Variants in CCDC102B observed in about 807,000 individuals in gnomAD.
CCDC102B encodes the protein coiled-coil domain containing 102B, also known as coiled-coil domain-containing protein 102B.
CCDC102B carries 75 observed loss-of-function variants against 57.4 expected under a neutral mutation model. That is an observed-to-expected ratio of 1.31 (90% CI 1.08 to 1.58). The LOEUF is 1.58. Among genes scored for constraint, CCDC102B ranks in the 40% most tolerant of loss-of-function variants. The pLI is 0.00. For missense variants in CCDC102B, 636 were observed against 582.6 expected, an observed-to-expected ratio of 1.09 and a Z score of -0.94; for synonymous variants, 206 against 201.9, an observed-to-expected ratio of 1.02 and a Z score of -0.17.
intron 6 of CCDC102B, among the ~76,000 whole-genome samples, chr18:68,944,664 GCAGGACACAAA>G (rs1181297361): frequency 1.3e-5 from 2 of 151,594 alleles, no homozygotes; most frequent in Non-Finnish European, 2.9e-5. Context: ...ATAGATTTTG[GCAGGACACAAA>G]CATTCAAGTC....
chr18:68,777,559 A>G lies in CCDC102B; in HGVS notation c.-66-45807A>G, dbSNP rs544256539. Among the ~76,000 whole-genome samples, 7 of 152,236 alleles carry G rather than the reference A, an allele frequency of 4.6e-5. No individual in the cohort carries two copies. In the East Asian group the frequency reaches 1.4e-3, roughly 29 times the overall value. ...TCAACAAAATGTTATTTCTCCTTTTATTCTAGCTACTTAAAATCTTTTTCT... is the reference window on the plus strand; with the variant it reads ...TCAACAAAATGTTATTTCTCCTTTTGTTCTAGCTACTTAAAATCTTTTTCT... On this transcript the variant is annotated intron_variant, in intron 2 of 3. Coordinates refer to the CCDC102B transcript ENST00000578970.
At chr18:68,858,402 G>T (rs960746816) in intron 4 of CCDC102B, among the ~76,000 whole-genome samples, 1 of 152,094 alleles carries the variant, frequency 6.6e-6, no homozygotes, top group Non-Finnish European at 1.5e-5. Context: ...CTTGGAGTTT[G>T]TTGAAATTCT....
chr18:68,849,632 G>C (rs2038033551), intron 4 of CCDC102B, among the ~76,000 whole-genome samples: 1 of 152,080 alleles, frequency 6.6e-6, no homozygotes, highest in Non-Finnish European at 1.5e-5. Context: ...AAACACTTCA[G>C]TGAATTATCT....
intron 2 of CCDC102B, among the ~76,000 whole-genome samples, chr18:68,722,854 C>T (rs755654409): frequency 2.7e-5 from 4 of 150,416 alleles, no homozygotes; most frequent in Non-Finnish European, 5.9e-5. Context: ...AGCACCAGCA[C>T]TGAATTCCAA....
At position 68,775,598 on chromosome 18, in the gene CCDC102B, G is replaced by A. The variant is rs185446443; in HGVS notation, c.-66-47768G>A. On this transcript the variant is annotated intron_variant, in intron 2 of 3. Transcript: ENST00000578970. ...AATGCTGGTATTTCCATCAGGAAAC[G>A]TGAAAAATAGATTGCTTTCCTTATG... Among the ~76,000 whole-genome samples the A allele has an allele frequency of 2.1e-3, 313 of 151,064 alleles. 3 individuals carry two copies. Among genetic ancestry groups the A allele is most frequent in the Non-Finnish European group, 3.3e-3 (226 of 67,860 alleles).
chr18:68,790,074 T>C lies in CCDC102B; in HGVS notation c.-66-33292T>C, dbSNP rs916033752. Among the ~76,000 whole-genome samples, 6 of 147,836 alleles carry C rather than the reference T, an allele frequency of 4.1e-5. 1 individual carries two copies. Among genetic ancestry groups the C allele is most frequent in the Non-Finnish European group, 8.9e-5 (6 of 67,696 alleles). On this transcript the variant is annotated intron_variant, in intron 2 of 3. Coordinates refer to the CCDC102B transcript ENST00000578970. ...GACAGGACCCTCAGCTGCAGGTCTGTTGGAATACCCTGCCATGTGAGGTGT... is the reference window on the plus strand; with the variant it reads ...GACAGGACCCTCAGCTGCAGGTCTGCTGGAATACCCTGCCATGTGAGGTGT...
chr18:68,902,504 T>C (rs1188779599), intron 6 of CCDC102B, among the ~76,000 whole-genome samples: 2 of 152,164 alleles, frequency 1.3e-5, no homozygotes, highest in Admixed American at 6.5e-5. Flanking sequence ...TCTTTATAGA[T>C]ATATAGGACC....
At chr18:68,720,496 T>A (rs924325083) in intron 2 of CCDC102B, among the ~76,000 whole-genome samples, 5 of 152,172 alleles carry the variant, frequency 3.3e-5, no homozygotes, top group African/African-American at 7.2e-5. Flanking sequence ...GTTCTTTCAT[T>A]TTAAAGCGTT....
chr18:68,837,229 C>A lies in CCDC102B; in HGVS notation c.466C>A (p.Gln156Lys). The part of the protein sequence containing the change: ...QKEALEAKVT[Q>K]DLKLPGFVEE... The stretch of plus-strand genomic sequence containing the variant: ...GGAGGCATTAGAAGCTAAAGTTACC[C>A]AGGATCTGAAGCTTCCTGGCTTCGT... The change falls in exon 2 of 8, where the codon CAG becomes AAG. Residue 156 changes from glutamine to lysine, a missense_variant. By Grantham distance (53) the Gln-to-Lys change is moderately conservative. Coordinates refer to ENST00000360242, the MANE Select transcript of CCDC102B (RefSeq NM_024781.3). 2 of 1,614,122 alleles carry A rather than the reference C, an allele frequency of 1.2e-6. No individual in the cohort carries two copies. The highest frequency in any genetic ancestry group is 1.7e-6 in the Non-Finnish European group (2 of 1,180,026).
intron 4 of CCDC102B, among the ~76,000 whole-genome samples, chr18:68,851,352 A>G (rs1311243989): frequency 1.3e-5 from 2 of 152,174 alleles, no homozygotes; most frequent in Non-Finnish European, 2.9e-5. Flanking sequence ...TTTGCATGAC[A>G]TAAATTAGCT....
chr18:68,819,901 A>G (rs546079901), intron 1 of CCDC102B, among the ~76,000 whole-genome samples: 2 of 152,222 alleles, frequency 1.3e-5, no homozygotes, highest in African/African-American at 4.8e-5. Flanking sequence ...AAATGTAGAA[A>G]TACACATAAT....
intron 5 of CCDC102B, among the ~76,000 whole-genome samples, chr18:68,882,788 G>A (rs1281748239): frequency 6.6e-6 from 1 of 152,182 alleles, no homozygotes; most frequent in East Asian, 1.9e-4. Context: ...TTCGATCCCA[G>A]AGTGTTTGGA....
At chr18:68,923,208 G>A (rs1431672704) in intron 6 of CCDC102B, among the ~76,000 whole-genome samples, 2 of 151,588 alleles carry the variant, frequency 1.3e-5, no homozygotes, top group African/African-American at 4.8e-5. Context: ...AATAAAAACA[G>A]GGAATCATTT....
chr18:68,764,120 T>G (rs1211742485), intron 2 of CCDC102B, among the ~76,000 whole-genome samples: 3 of 152,092 alleles, frequency 2.0e-5, no homozygotes, highest in Non-Finnish European at 2.9e-5. Flanking sequence ...TAAGTACTCT[T>G]TGTTTGAAAT....
intron 5 of CCDC102B, 65 bp downstream of exon 5, chr18:68,874,850 CT>C: frequency 9.8e-7 from 1 of 1,023,350 alleles, no homozygotes; most frequent in Non-Finnish European, 1.5e-6. Flanking sequence ...AAATGCCATA[CT>C]ATTTTAAGTA....
intron 7 of CCDC102B, among the ~76,000 whole-genome samples, chr18:69,033,104 C>T (rs1159815304): frequency 6.6e-6 from 1 of 152,028 alleles, no homozygotes; most frequent in Non-Finnish European, 1.5e-5. Context: ...GTCATAGATT[C>T]AAGTGACACA....
chr18:68,891,461 G>A (rs1357929176), intron 5 of CCDC102B, among the ~76,000 whole-genome samples: 1 of 152,226 alleles, frequency 6.6e-6, no homozygotes, highest in East Asian at 1.9e-4. Flanking sequence ...AAGCTGCAGA[G>A]CTTTGATTCT....
At chr18:69,031,875 G>C (rs977859977) in intron 7 of CCDC102B, among the ~76,000 whole-genome samples, 7 of 151,768 alleles carry the variant, frequency 4.6e-5, no homozygotes, top group African/African-American at 1.7e-4. Flanking sequence ...AAATCAAGTA[G>C]GTTCATTCTG....
rs528795840 is a variant in CCDC102B at position 68,970,839 on chromosome 18, G to T, written c.1264-40095G>T. On this transcript the variant is annotated intron_variant, in intron 6 of 7. Coordinates refer to ENST00000360242, the MANE Select transcript of CCDC102B (RefSeq NM_024781.3). ...TTGGGAAGTAGGTAAATAAGGTAAT[G>T]CTTATATCCTAGATTTTAGGTCCTA... Among the ~76,000 whole-genome samples the T allele has an allele frequency of 3.3e-5, 5 of 152,092 alleles. No homozygotes were observed. In the East Asian group the frequency reaches 9.7e-4, roughly 29 times the overall value.
Sources: allele counts gnomAD v4.1 joint callset (sites outside exome capture counted in the v4.1 genomes callset), GRCh38; gene constraint gnomAD v4.1.1; transcripts MANE v1.5; gene names NCBI Gene and HGNC (gene_info 2026-07-23, HGNC 2026-07-21).